OPCML: variants seen among roughly 807,000 people sequenced by gnomAD.
The protein encoded by OPCML is opioid-binding protein/cell adhesion molecule.
OPCML carries 13 observed loss-of-function variants against 37.8 expected under a neutral mutation model. The ratio of observed to expected loss-of-function variants is 0.34; its 90% CI spans 0.22 to 0.55. OPCML has a LOEUF of 0.55. Ranked by LOEUF, OPCML falls within the 20% of genes least tolerant of loss-of-function variation. OPCML has a pLI of 0.91. For missense variants in OPCML, 341 were observed against 435.6 expected, an observed-to-expected ratio of 0.78 and a Z score of 1.93; for synonymous variants, 176 against 168.8, an observed-to-expected ratio of 1.04 and a Z score of -0.33.
At chr11:133,185,357 G>A (rs922976203) in intron 1 of OPCML, among the ~76,000 whole-genome samples, 1 of 152,208 alleles carries the variant, frequency 6.6e-6, no homozygotes, top group Non-Finnish European at 1.5e-5. Flanking sequence ...TCCTAAATGT[G>A]AAGAACAGCC....
At chr11:132,969,938 C>T (rs1312821915) in intron 1 of OPCML, among the ~76,000 whole-genome samples, 2 of 152,252 alleles carry the variant, frequency 1.3e-5, no homozygotes, top group Non-Finnish European at 2.9e-5. Context: ...GTTTCTGTTG[C>T]TGTATTTTTT....
In OPCML at chr11:132,851,312, G is replaced by T. The variant is rs577489686; in HGVS notation, c.146+91614C>A. Among the ~76,000 whole-genome samples, 4 of 152,228 alleles carry T rather than the reference G, an allele frequency of 2.6e-5. No individual in the cohort carries two copies. The South Asian group carries it at 8.3e-4, about 32-fold the overall frequency. On this transcript the variant is annotated intron_variant, in intron 2 of 7. Coordinates refer to ENST00000524381, the MANE Select transcript of OPCML (RefSeq NM_001012393.5). ...TATACCACAATTTTTTAAATATTTT[G>T]ATAGCTGCATTTTAATACAATTAAT... is the stretch of plus-strand genomic sequence containing the variant.
chr11:133,071,221 C>T (rs925713263), intron 1 of OPCML, among the ~76,000 whole-genome samples: 2 of 152,134 alleles, frequency 1.3e-5, no homozygotes, highest in African/African-American at 4.8e-5. Flanking sequence ...TGTGGACAGG[C>T]GAAGCCTCTG....
intron 3 of OPCML, among the ~76,000 whole-genome samples, chr11:132,582,938 C>T (rs954845094): frequency 2.0e-5 from 3 of 150,124 alleles, no homozygotes; most frequent in African/African-American, 7.3e-5. Context: ...CTCGAACTCC[C>T]AGGCTCAATG....
At chr11:132,918,390 T>C (rs967626173) in intron 2 of OPCML, among the ~76,000 whole-genome samples, 1 of 152,202 alleles carries the variant, frequency 6.6e-6, no homozygotes, top group African/African-American at 2.4e-5. Flanking sequence ...AGGTATTGAC[T>C]CTCAAGCTTC....
chr11:132,898,669 G>A (rs186966643), intron 2 of OPCML, among the ~76,000 whole-genome samples: 4 of 152,316 alleles, frequency 2.6e-5, no homozygotes, highest in Admixed American at 2.6e-4. Flanking sequence ...AGGAATCACA[G>A]AGTGGGAGTG....
At chr11:133,326,502 AT>A (rs1943461531) in intron 1 of OPCML, among the ~76,000 whole-genome samples, 1 of 57,262 alleles carries the variant, frequency 1.7e-5, no homozygotes, top group African/African-American at 7.9e-5. Flanking sequence ...GGGTGTGTGT[AT>A]GTGTGGGAGT....
At chr11:133,125,707 G>C (rs1389836962) in intron 1 of OPCML, among the ~76,000 whole-genome samples, 1 of 21,386 alleles carries the variant, frequency 4.7e-5, no homozygotes, top group Non-Finnish European at 9.5e-5. Context: ...TATATATATA[G>C]TGTATATATA....
At chr11:133,113,880 A>C (rs758271804) in intron 1 of OPCML, among the ~76,000 whole-genome samples, 4 of 152,260 alleles carry the variant, frequency 2.6e-5, no homozygotes, top group Non-Finnish European at 5.9e-5. Flanking sequence ...GCATAAAAGT[A>C]AATGCATCGT....
chr11:133,406,307 T>G (rs1017165532), intron 1 of OPCML, among the ~76,000 whole-genome samples: 1 of 152,094 alleles, frequency 6.6e-6, no homozygotes, highest in Non-Finnish European at 1.5e-5. Context: ...CTGCAGAGAT[T>G]GGAGGGTAAT....
At chr11:132,970,339 T>A (rs893010771) in intron 1 of OPCML, among the ~76,000 whole-genome samples, 4 of 152,186 alleles carry the variant, frequency 2.6e-5, no homozygotes, top group African/African-American at 9.7e-5. Context: ...GGGAAGGGTG[T>A]GTTTGAATAT....
At chr11:132,735,323 A>C (rs1591534753) in intron 2 of OPCML, among the ~76,000 whole-genome samples, 1 of 152,280 alleles carries the variant, frequency 6.6e-6, no homozygotes, top group East Asian at 1.9e-4. Context: ...ACCATTCAGT[A>C]AGACAACAGG....
chr11:133,203,170 G>A (rs143957639), intron 1 of OPCML, among the ~76,000 whole-genome samples: 2 of 152,234 alleles, frequency 1.3e-5, no homozygotes, highest in Non-Finnish European at 2.9e-5. Flanking sequence ...TCAAAACTAG[G>A]TTTATCTCCA....
intron 1 of OPCML, among the ~76,000 whole-genome samples, chr11:133,287,720 A>G (rs1180049120): frequency 1.3e-5 from 2 of 152,112 alleles, no homozygotes; most frequent in Non-Finnish European, 2.9e-5. Context: ...TTTCCAGGTC[A>G]GCAGGGGCCC....
intron 3 of OPCML, among the ~76,000 whole-genome samples, chr11:132,641,515 G>A (rs1010298327): frequency 5.9e-5 from 9 of 152,178 alleles, no homozygotes; most frequent in South Asian, 2.1e-4. Flanking sequence ...ATCCTTGGGC[G>A]TCTTTTTAAT....
chr11:132,451,781 A>C (rs1359581578), intron 4 of OPCML, among the ~76,000 whole-genome samples: 1 of 152,178 alleles, frequency 6.6e-6, no homozygotes, highest in Non-Finnish European at 1.5e-5. Flanking sequence ...GGAGAACAAA[A>C]GCACAAACAA....
At chr11:132,870,660 C>A (rs974943299) in intron 2 of OPCML, among the ~76,000 whole-genome samples, 2 of 152,156 alleles carry the variant, frequency 1.3e-5, no homozygotes, top group Admixed American at 1.3e-4. Flanking sequence ...ACGTAAGTGT[C>A]CCTCAACAGA....
At chr11:133,125,843 C>A (rs1227202885) in intron 1 of OPCML, among the ~76,000 whole-genome samples, 1 of 142,192 alleles carries the variant, frequency 7.0e-6, no homozygotes, top group South Asian at 2.2e-4. Context: ...TATATAGACA[C>A]ATGTATATAG....
chr11:132,425,184 C>T (rs919839816), intron 7 of OPCML, among the ~76,000 whole-genome samples: 1 of 152,216 alleles, frequency 6.6e-6, no homozygotes, highest in African/African-American at 2.4e-5. Flanking sequence ...CAGAAACAGT[C>T]CATACCTTCA....
Sources: allele counts gnomAD v4.1 joint callset (sites outside exome capture counted in the v4.1 genomes callset), GRCh38; gene constraint gnomAD v4.1.1; transcripts MANE v1.5; gene names NCBI Gene and HGNC (gene_info 2026-07-23, HGNC 2026-07-21).